USH2A: variants seen among roughly 807,000 people sequenced by gnomAD.
USH2A encodes the protein Usher syndrome 2A (autosomal recessive, mild).
A neutral mutation model predicts 538.9 loss-of-function variants in USH2A; 443 were observed. That is an observed-to-expected ratio of 0.82 (90% CI 0.76 to 0.89). The LOEUF is 0.89. Among genes scored for constraint, USH2A ranks in the 40% least tolerant of loss-of-function variants. The pLI is 0.00. For synonymous variants in USH2A, 2,413 were observed against 2,273.5 expected, an observed-to-expected ratio of 1.06 and a Z score of -1.75; for missense variants, 6,633 against 6,324.8, an observed-to-expected ratio of 1.05 and a Z score of -1.65.
intron 3 of USH2A, among the ~76,000 whole-genome samples, chr1:216,398,994 C>A (rs73100692): frequency 0.044 from 6,635 of 152,236 alleles, 497 homozygotes; most frequent in African/African-American, 0.15. Flanking sequence ...TGAAAGGAGT[C>A]AGCCATGCTC....
rs58985032 is a variant in USH2A at position 216,340,536 on chromosome 1, CA to C, written c.785-12883del. 3.8e-3 allele frequency among the ~76,000 whole-genome samples: 461 copies of C among 119,792 alleles called. 3 individuals are homozygous for C. Among genetic ancestry groups the C allele is most frequent in the Non-Finnish European group, 4.8e-3 (261 of 54,616 alleles). The allele number at this position is 119,792 out of a possible 152,430, so 78.6% of individuals were successfully genotyped here. ...TACAAAAAACCTGGCAGAGACATGA[CA>C]AAAAAAAAAAAAAGAAGGAAAACTT... On this transcript the variant is annotated intron_variant, in intron 4 of 71. Coordinates refer to ENST00000307340, the MANE Select transcript of USH2A (RefSeq NM_206933.4).
intron 40 of USH2A, among the ~76,000 whole-genome samples, chr1:215,894,308 T>G (rs1665272849): frequency 6.6e-6 from 1 of 152,198 alleles, no homozygotes; most frequent in Non-Finnish European, 1.5e-5. Context: ...AGGATGCAAG[T>G]GAAACTTTAA....
Position 215,702,860 on chromosome 1 carries a change from C to T in USH2A, c.12067-22484G>A, listed in dbSNP as rs148921381. Among the ~76,000 whole-genome samples the T allele has an allele frequency of 4.5e-3, 680 of 151,892 alleles. 4 individuals are homozygous for T. Among genetic ancestry groups the T allele is most frequent in the African/African-American group, 0.016 (647 of 41,462 alleles). On this transcript the variant is annotated intron_variant, in intron 61 of 71. Coordinates refer to ENST00000307340, the MANE Select transcript of USH2A (RefSeq NM_206933.4). Reference sequence around the variant, plus strand: ...CCGTCCAGTTTTGTTCCCTTGCTGGCGAGGAGTTGTGATCCTTTGGAGATA... The same window carrying T: ...CCGTCCAGTTTTGTTCCCTTGCTGGTGAGGAGTTGTGATCCTTTGGAGATA...
At chr1:215,732,544 CTTTTTTTTTTTT>C (rs141549439) in intron 60 of USH2A, among the ~76,000 whole-genome samples, 7 of 73,586 alleles carry the variant, frequency 9.5e-5, no homozygotes, top group South Asian at 1.1e-3. Flanking sequence ...TTTTTTCTTT[CTTTTTTTTTTTT>C]TTTTTTTTTT....
intron 14 of USH2A, among the ~76,000 whole-genome samples, chr1:216,222,812 C>T (rs1315606347): frequency 6.6e-6 from 1 of 152,048 alleles, no homozygotes; most frequent in Admixed American, 6.6e-5. Context: ...AACCCTGTCT[C>T]TATTAAAAAT....
chr1:216,417,996 T>C (rs1230584324), intron 3 of USH2A, among the ~76,000 whole-genome samples: 2 of 152,090 alleles, frequency 1.3e-5, no homozygotes, highest in African/African-American at 2.4e-5. Flanking sequence ...TCATACAAAC[T>C]GTGGTTGACA....
chr1:215,639,483 G>C (rs940104403), intron 68 of USH2A, among the ~76,000 whole-genome samples: 8 of 152,156 alleles, frequency 5.3e-5, no homozygotes, highest in Admixed American at 2.6e-4. Flanking sequence ...ATACAGCAAA[G>C]GAAAAGAACA....
intron 61 of USH2A, among the ~76,000 whole-genome samples, chr1:215,712,229 G>A (rs1439259051): frequency 6.6e-6 from 1 of 152,166 alleles, no homozygotes; most frequent in Non-Finnish European, 1.5e-5. Flanking sequence ...GCTACTTTTA[G>A]GTACACATTT....
intron 37 of USH2A, among the ~76,000 whole-genome samples, chr1:215,962,120 C>T (rs906071364): frequency 6.6e-6 from 1 of 151,902 alleles, no homozygotes; most frequent in African/African-American, 2.4e-5. Context: ...AAATAGCTAC[C>T]ATTTTTAACA....
chr1:216,110,311 A>G (rs1214313385), intron 21 of USH2A, among the ~76,000 whole-genome samples: 1 of 152,160 alleles, frequency 6.6e-6, no homozygotes, highest in Non-Finnish European at 1.5e-5. Flanking sequence ...TGGGCAAGAT[A>G]GTGACATAGT....
At chr1:215,769,934 A>T (rs1261112108) in intron 55 of USH2A, among the ~76,000 whole-genome samples, 6 of 152,196 alleles carry the variant, frequency 3.9e-5, no homozygotes, top group Non-Finnish European at 8.8e-5. Flanking sequence ...CTTTATCCTC[A>T]AGAGCTGTGT....
intron 47 of USH2A, among the ~76,000 whole-genome samples, chr1:215,824,409 G>A (rs1036455504): frequency 6.6e-5 from 10 of 151,832 alleles, no homozygotes; most frequent in African/African-American, 2.4e-4. Context: ...GCACTAGATG[G>A]TGCCTCAGGT....
chr1:216,241,008 G>C (rs2035926041), intron 13 of USH2A, among the ~76,000 whole-genome samples: 1 of 152,106 alleles, frequency 6.6e-6, no homozygotes, highest in Non-Finnish European at 1.5e-5. Flanking sequence ...AAATGCCAAA[G>C]AGAGTCCTGA....
intron 61 of USH2A, among the ~76,000 whole-genome samples, chr1:215,713,099 G>A (rs554418299): frequency 2.6e-5 from 4 of 152,144 alleles, no homozygotes; most frequent in South Asian, 2.1e-4. Context: ...GAGCCACAGC[G>A]CCCGGCCAGA....
chr1:215,826,283 G>A (rs1021173011), intron 47 of USH2A, among the ~76,000 whole-genome samples: 1 of 152,162 alleles, frequency 6.6e-6, no homozygotes, highest in African/African-American at 2.4e-5. Flanking sequence ...GGCACCACAA[G>A]TGATCAGCTA....
intron 11 of USH2A, among the ~76,000 whole-genome samples, chr1:216,284,052 C>T (rs1233607189): frequency 1.3e-5 from 2 of 152,120 alleles, no homozygotes; most frequent in East Asian, 3.9e-4. Flanking sequence ...GTTAATATGA[C>T]TCTCATTTCC....
intron 3 of USH2A, among the ~76,000 whole-genome samples, chr1:216,398,653 C>G (rs1313895661): frequency 6.6e-6 from 1 of 152,050 alleles, no homozygotes; most frequent in Non-Finnish European, 1.5e-5. Flanking sequence ...CACCCTCTCA[C>G]CCAACAGAAG....
intron 4 of USH2A, among the ~76,000 whole-genome samples, chr1:216,337,826 T>C (rs1392401066): frequency 1.3e-5 from 2 of 151,378 alleles, no homozygotes; most frequent in Non-Finnish European, 3.0e-5. Context: ...GTGTTGGAAA[T>C]AAGAATGATA....
At chr1:216,103,888 A>G (rs1558260347) in intron 21 of USH2A, among the ~76,000 whole-genome samples, 1 of 152,190 alleles carries the variant, frequency 6.6e-6, no homozygotes, top group Non-Finnish European at 1.5e-5. Context: ...GAATTGGTCA[A>G]ATTAAAAACA....
Sources: gnomAD v4.1 joint callset for allele counts (sites outside exome capture counted in the v4.1 genomes callset) on GRCh38, gnomAD v4.1.1 for gene constraint, MANE v1.5 for transcripts, NCBI Gene and HGNC (gene_info 2026-07-23, HGNC 2026-07-21) for gene names.